FRG1: variants seen among roughly 807,000 people sequenced by gnomAD.
The protein encoded by FRG1 is FSHD region gene 1.
FRG1 carries 19 observed loss-of-function variants against 37.0 expected under a neutral mutation model. The observed-to-expected ratio is 0.51, with a 90% confidence interval of 0.36 to 0.75. The LOEUF is 0.75. Ranked by LOEUF, FRG1 falls within the 30% of genes least tolerant of loss-of-function variation. The pLI is 0.00. For synonymous variants in FRG1, 73 were observed against 96.5 expected, an observed-to-expected ratio of 0.76 and a Z score of 1.43; for missense variants, 243 against 301.4, an observed-to-expected ratio of 0.81 and a Z score of 1.44.
Position 189,961,933 on chromosome 4 carries a change from G to A in FRG1, c.740+1G>A, listed in dbSNP as rs1737256712. 9 of 1,491,216 alleles carry A rather than the reference G, an allele frequency of 6.0e-6. No homozygotes were observed. Among genetic ancestry groups the A allele is most frequent in the Admixed American group, 4.1e-5 (2 of 48,334 alleles). The allele number at this position is 1,491,216 out of a possible 1,614,324, so 92.4% of individuals were successfully genotyped here. A position where few individuals can be genotyped will look rare whatever the true frequency, so the allele number is the denominator to read the frequency against. ...TTTTGCATGAGACGCTTCTGGACAG[G>A]TAGCTATTTATTTACTTATTTCCAC... is the stretch of plus-strand genomic sequence containing the variant. On this transcript the variant is annotated splice_donor_variant, in intron 8 of 8. Coordinates refer to ENST00000226798, the MANE Select transcript of FRG1 (RefSeq NM_004477.3). LOFTEE classifies it high-confidence loss of function.
chr4:189,962,429 G>A (rs1433242037), intron 8 of FRG1, among the ~76,000 whole-genome samples: 1 of 152,112 alleles, frequency 6.6e-6, no homozygotes, highest in African/African-American at 2.4e-5. Context: ...GATAAGTAAT[G>A]TCCTAGATTT....
Position 189,953,087 on chromosome 4 carries a change from T to C in FRG1, c.279T>C (p.Pro93=). Reference sequence around the variant, plus strand: ...CAATAGTTGATGAGGGCCCTAGTCCTCCAGAGCAGTTTACGGCTGTCAAAT... The same window carrying C: ...CAATAGTTGATGAGGGCCCTAGTCCCCCAGAGCAGTTTACGGCTGTCAAAT... ...PHKEVDEGPS[P]PEQFTAVKLS... The change falls in exon 4 of 9, where the codon CCT becomes CCC. Residue 93 remains proline, a synonymous_variant. Transcript: ENST00000226798. The C allele has an allele frequency of 2.5e-6, 4 of 1,587,590 alleles. No individual in the cohort carries two copies. The highest frequency in any genetic ancestry group is 2.6e-6 in the Non-Finnish European group (3 of 1,168,880).
intron 6 of FRG1, chr4:189,959,997 T>C (rs1164032668): frequency 2.0e-5 from 12 of 589,288 alleles, no homozygotes; most frequent in Admixed American, 1.9e-4. Flanking sequence ...AAGGTAGCCT[T>C]GTGTTACAGG....
chr4:189,957,230 G>T lies in FRG1; in HGVS notation c.433-168G>T, dbSNP rs140814371. On this transcript the variant is annotated intron_variant, in intron 5 of 8. Coordinates refer to ENST00000226798, the MANE Select transcript of FRG1 (RefSeq NM_004477.3). The stretch of plus-strand genomic sequence containing the variant: ...ATCTTTGAATAGTAAAATGATAGGT[G>T]ATTTTGGTTTCTTTTCTATATGTTC... Among the ~76,000 whole-genome samples, 1,316 of 152,318 alleles carry T rather than the reference G, an allele frequency of 8.6e-3. 5 individuals are homozygous for T. Among genetic ancestry groups the T allele is most frequent in the African/African-American group, 0.03 (1,248 of 41,570 alleles).
At chr4:189,952,808 CAT>C (rs745870116) in intron 3 of FRG1, among the ~76,000 whole-genome samples, 12 of 152,316 alleles carry the variant, frequency 7.9e-5, no homozygotes, top group Non-Finnish European at 1.3e-4. Flanking sequence ...TATTTTAAAA[CAT>C]AAAGAGAAGC....
intron 2 of FRG1, among the ~76,000 whole-genome samples, chr4:189,944,985 A>G (rs1217308925): frequency 3.9e-5 from 6 of 152,148 alleles, no homozygotes; most frequent in Admixed American, 3.3e-4. Context: ...CAATGTAGCC[A>G]TCTTGCATGC....
chr4:189,956,337 A>G (rs201312770), intron 5 of FRG1, among the ~76,000 whole-genome samples: 1 of 152,186 alleles, frequency 6.6e-6, no homozygotes, highest in Admixed American at 6.5e-5. Context: ...AATAAAAGTT[A>G]CACCGGTAGA....
intron 3 of FRG1, 72 bp downstream of exon 3, chr4:189,952,359 T>C: frequency 7.3e-7 from 1 of 1,368,706 alleles, no homozygotes; most frequent in Non-Finnish European, 1.0e-6. Context: ...GGCCAAACTC[T>C]AACTAGTCTC....
intron 4 of FRG1, 78 bp from the exon 5 acceptor site, chr4:189,954,959 A>G (rs1441875947): frequency 3.6e-6 from 3 of 825,556 alleles, no homozygotes; most frequent in South Asian, 3.0e-5. Context: ...AGCCACACAC[A>G]TACGCATGTC....
chr4:189,942,276 G>A (rs536807397), intron 1 of FRG1, among the ~76,000 whole-genome samples: 32 of 152,040 alleles, frequency 2.1e-4, no homozygotes, highest in African/African-American at 7.7e-4. Flanking sequence ...TGTACAGTCA[G>A]GGGTTTTTAG....
At chr4:189,959,969 C>T in intron 6 of FRG1, 1 of 786,022 alleles carries the variant, frequency 1.3e-6, no homozygotes, top group South Asian at 5.8e-5. Context: ...ATGACCAGAA[C>T]ACAGATCCCT....
At chr4:189,958,224 C>T (rs1262313555) in intron 6 of FRG1, among the ~76,000 whole-genome samples, 7 of 152,086 alleles carry the variant, frequency 4.6e-5, no homozygotes, top group African/African-American at 1.4e-4. Flanking sequence ...TAGGCTGTTT[C>T]CAGTCTTTTG....
At chr4:189,948,006 C>T (rs1736599963) in intron 2 of FRG1, among the ~76,000 whole-genome samples, 1 of 152,134 alleles carries the variant, frequency 6.6e-6, no homozygotes, top group Non-Finnish European at 1.5e-5. Flanking sequence ...AAACAGTTTT[C>T]TCAAATATTC....
intron 4 of FRG1, among the ~76,000 whole-genome samples, chr4:189,954,588 C>CTTTTTTTTTT (rs1561072776): frequency 7.3e-6 from 1 of 136,996 alleles, no homozygotes; most frequent in African/African-American, 2.7e-5. Context: ...TCACATGTAG[C>CTTTTTTTTTT]TTTTTTCTTT....
chr4:189,951,751 G>A (rs1736762967), intron 2 of FRG1, among the ~76,000 whole-genome samples: 1 of 151,980 alleles, frequency 6.6e-6, no homozygotes, highest in Non-Finnish European at 1.5e-5. Context: ...CTATAACGTT[G>A]AACTCTGGGC....
At chr4:189,943,384 G>A (rs538576847) in intron 2 of FRG1, 112 bp downstream of exon 2, 51 of 1,194,470 alleles carry the variant, frequency 4.3e-5, no homozygotes, top group South Asian at 3.9e-4. Context: ...GTCTTAAAGT[G>A]CTTAAATATT....
At chr4:189,960,999 T>TC (rs1279499599) in intron 7 of FRG1, 160 bp downstream of exon 7, 1 of 715,598 alleles carries the variant, frequency 1.4e-6, no homozygotes, top group East Asian at 3.0e-5. Flanking sequence ...GCCCAGGAGT[T>TC]CAAGGCTGCA....
chr4:189,943,421 C>A (rs1050439918), intron 2 of FRG1, 149 bp downstream of exon 2: 14 of 903,266 alleles, frequency 1.5e-5, no homozygotes, highest in Middle Eastern at 2.3e-4. Flanking sequence ...TCCATTTATT[C>A]TTTAACACAG....
At chr4:189,954,625 C>T (rs1736901608) in intron 4 of FRG1, among the ~76,000 whole-genome samples, 1 of 148,306 alleles carries the variant, frequency 6.7e-6, no homozygotes, top group African/African-American at 2.5e-5. Flanking sequence ...CACAGAGTCT[C>T]ACTCTGTCAC....
Sources: allele counts gnomAD v4.1 joint callset (sites outside exome capture counted in the v4.1 genomes callset), GRCh38; gene constraint gnomAD v4.1.1; transcripts MANE v1.5; gene names NCBI Gene and HGNC (gene_info 2026-07-23, HGNC 2026-07-21).